The following CNTLN variants were observed in gnomAD, a reference collection of about 807,000 sequenced individuals.
The protein encoded by CNTLN is centlein.
In CNTLN, 212 loss-of-function variants were observed where a neutral mutation model predicts 180.0. The ratio of observed to expected loss-of-function variants is 1.18; its 90% CI spans 1.05 to 1.32. The LOEUF is 1.32. Ranked by LOEUF, CNTLN falls within the 40% of genes most tolerant of loss-of-function variation. The pLI, the probability that CNTLN is intolerant of heterozygous loss-of-function variation, is 0.00. For synonymous variants in CNTLN, 722 were observed against 563.1 expected (o/e 1.28, Z -3.99); for missense variants, 2,095 against 1,610.9 (o/e 1.30, Z -5.14).
At chr9:17,310,100 AT>A (rs1228154222) in intron 8 of CNTLN, among the ~76,000 whole-genome samples, 3 of 152,164 alleles carry the variant, frequency 2.0e-5, no homozygotes, top group African/African-American at 7.2e-5. Flanking sequence ...TGACAATTTA[AT>A]TTAATGGCTT....
Position 17,293,191 on chromosome 9 carries a change from C to G in CNTLN, c.984-4999C>G, listed in dbSNP as rs114157907. Among the ~76,000 whole-genome samples the G allele has an allele frequency of 3.2e-3, 490 of 152,360 alleles. 1 individual carries two copies. The highest frequency in any genetic ancestry group is 0.011 in the African/African-American group (457 of 41,582). The stretch of plus-strand genomic sequence containing the variant: ...CAGAGGGGCACCAACCTGATGCCAA[C>G]AGGAATGCTCCTGTATAAGTTATCT... On this transcript the variant is annotated intron_variant, in intron 6 of 25. Transcript: ENST00000380647.
intron 4 of CNTLN, among the ~76,000 whole-genome samples, chr9:17,236,096 C>G (rs987610858): frequency 6.6e-6 from 1 of 152,022 alleles, no homozygotes; most frequent in African/African-American, 2.4e-5. Flanking sequence ...TGATAAAACC[C>G]AGGTCTGGGA....
At chr9:17,331,284 A>G (rs946966157) in intron 9 of CNTLN, among the ~76,000 whole-genome samples, 88 of 151,884 alleles carry the variant, frequency 5.8e-4, no homozygotes, top group African/African-American at 2.0e-3. Flanking sequence ...CACTTGTTAT[A>G]TATTTTTATA....
At chr9:17,204,600 T>C (rs1434218810) in intron 2 of CNTLN, among the ~76,000 whole-genome samples, 1 of 152,078 alleles carries the variant, frequency 6.6e-6, no homozygotes, top group Non-Finnish European at 1.5e-5. Flanking sequence ...CTGTATGAGG[T>C]GTCTGTCAAC....
chr9:17,476,661 G>A (rs1832365648), intron 23 of CNTLN, among the ~76,000 whole-genome samples: 1 of 152,196 alleles, frequency 6.6e-6, no homozygotes, highest in African/African-American at 2.4e-5. Context: ...TTAAGCCAAA[G>A]CTTAATCCAG....
At chr9:17,477,278 C>G (rs563903740) in intron 23 of CNTLN, among the ~76,000 whole-genome samples, 2 of 152,190 alleles carry the variant, frequency 1.3e-5, no homozygotes, top group South Asian at 4.1e-4. Context: ...GAGATTAATG[C>G]TGTTTTCATG....
At chr9:17,507,723 T>A (rs541142984), downstream of CNTLN, among the ~76,000 whole-genome samples, 6 of 152,356 alleles carry the variant, frequency 3.9e-5, no homozygotes, top group African/African-American at 1.4e-4. Context: ...CGACTTTTAA[T>A]TTTTAAATAC....
At chr9:17,486,740 T>C (rs1010644796) in intron 24 of CNTLN, among the ~76,000 whole-genome samples, 2 of 152,114 alleles carry the variant, frequency 1.3e-5, no homozygotes, top group Non-Finnish European at 2.9e-5. Context: ...TGAGCTCCAC[T>C]GTGAAGGTAG....
chr9:17,478,365 C>T (rs1326865969), intron 23 of CNTLN, among the ~76,000 whole-genome samples: 2 of 152,002 alleles, frequency 1.3e-5, no homozygotes. Flanking sequence ...GTGTAGGTTG[C>T]CTGTTCACTG....
At chr9:17,172,601 A>C (rs1019478531) in intron 2 of CNTLN, among the ~76,000 whole-genome samples, 1 of 152,164 alleles carries the variant, frequency 6.6e-6, no homozygotes. Flanking sequence ...CCTTTAAATA[A>C]TATATTTTTC....
chr9:17,408,035 G>A lies in CNTLN; in HGVS notation c.2616-1258G>A, dbSNP rs192001761. On this transcript the variant is annotated intron_variant, in intron 15 of 25. Coordinates refer to ENST00000380647, the MANE Select transcript of CNTLN (RefSeq NM_017738.4). ...CCAGCTACTCGGGAGGCTGAGGCAGGAGAATCGCTTGAACCCTGGAGGTGG... is the reference window on the plus strand; with the variant it reads ...CCAGCTACTCGGGAGGCTGAGGCAGAAGAATCGCTTGAACCCTGGAGGTGG... Among the ~76,000 whole-genome samples, 6 of 147,600 alleles carry A rather than the reference G, an allele frequency of 4.1e-5. No individual in the cohort carries two copies. The Admixed American group carries it at 4.2e-4, about 10-fold the overall frequency.
At chr9:17,276,072 G>A (rs1439329315) in intron 6 of CNTLN, among the ~76,000 whole-genome samples, 1 of 152,036 alleles carries the variant, frequency 6.6e-6, no homozygotes, top group Non-Finnish European at 1.5e-5. Context: ...TACCCCAAAT[G>A]TCAGCATCAA....
At chr9:17,488,264 A>C (rs2134339466) in intron 25 of CNTLN, among the ~76,000 whole-genome samples, 1 of 152,222 alleles carries the variant, frequency 6.6e-6, no homozygotes, top group Non-Finnish European at 1.5e-5. Context: ...TCATTTGCTG[A>C]AAGTTGTTTA....
chr9:17,167,908 C>T (rs1237121981), intron 2 of CNTLN: 1 of 151,960 alleles, frequency 6.6e-6, no homozygotes, highest in African/African-American at 2.4e-5. Context: ...GTAGTGTACC[C>T]TGAGGAAAAC....
chr9:17,148,180 C>T (rs1178089927), intron 2 of CNTLN, among the ~76,000 whole-genome samples: 1 of 152,164 alleles, frequency 6.6e-6, no homozygotes, highest in East Asian at 1.9e-4. Flanking sequence ...CCTCTATTCT[C>T]TCTCTCCTTC....
chr9:17,432,701 C>T (rs751411391), intron 18 of CNTLN, among the ~76,000 whole-genome samples: 1 of 152,010 alleles, frequency 6.6e-6, no homozygotes, highest in Non-Finnish European at 1.5e-5. Context: ...AGTATAAATT[C>T]TATTCTCTGT....
intron 3 of CNTLN, among the ~76,000 whole-genome samples, chr9:17,228,071 T>G (rs1412339718): frequency 6.6e-6 from 1 of 152,050 alleles, no homozygotes. Context: ...GATACAAGTT[T>G]AGCGGTCCCT....
chr9:17,313,695 C>A (rs1039623562), intron 8 of CNTLN, among the ~76,000 whole-genome samples: 1 of 152,138 alleles, frequency 6.6e-6, no homozygotes, highest in South Asian at 2.1e-4. Context: ...ATGTTATTTT[C>A]GCAAATATTT....
chr9:17,273,601 A>G (rs1227283624), intron 5 of CNTLN, 132 bp from the exon 6 acceptor site: 1 of 495,522 alleles, frequency 2.0e-6, no homozygotes, highest in Non-Finnish European at 3.3e-6. Context: ...TTGTGTTAAA[A>G]TTATTTTAAG....
Sources: allele counts gnomAD v4.1 joint callset (sites outside exome capture counted in the v4.1 genomes callset), GRCh38; gene constraint gnomAD v4.1.1; transcripts MANE v1.5; gene names NCBI Gene and HGNC (gene_info 2026-07-23, HGNC 2026-07-21).